The following RBPMS variants were observed in gnomAD, a reference collection of about 807,000 sequenced individuals.
RBPMS encodes RNA-binding protein with multiple splicing.
In RBPMS, 7 loss-of-function variants were observed where a neutral mutation model predicts 26.8. That is an observed-to-expected ratio of 0.26 (90% CI 0.15 to 0.49). RBPMS has a LOEUF of 0.49. Among genes scored for constraint, RBPMS ranks in the 20% least tolerant of loss-of-function variants. RBPMS has a pLI of 0.98. For missense variants in RBPMS, 186 were observed against 250.0 expected (o/e 0.74, Z 1.73); for synonymous variants, 96 against 93.3 (o/e 1.03, Z -0.17).
chr8:30,447,435 T>A (rs1017458708), intron 1 of RBPMS, among the ~76,000 whole-genome samples: 1 of 152,194 alleles, frequency 6.6e-6, no homozygotes, highest in Non-Finnish European at 1.5e-5. Flanking sequence ...AATAGTGCAA[T>A]GTTTTGTGAA....
intron 1 of RBPMS, among the ~76,000 whole-genome samples, chr8:30,391,837 A>G (rs1327828769): frequency 6.6e-6 from 1 of 152,174 alleles, no homozygotes. Context: ...GATAGCAGGA[A>G]AAAGGAAATA....
At chr8:30,533,551 G>T (rs184383266) in intron 5 of RBPMS, among the ~76,000 whole-genome samples, 7 of 152,140 alleles carry the variant, frequency 4.6e-5, no homozygotes, top group Non-Finnish European at 8.8e-5. Flanking sequence ...ACAGTAATTG[G>T]CAGTAAAAGA....
intron 1 of RBPMS, among the ~76,000 whole-genome samples, chr8:30,386,016 A>G (rs1807029736): frequency 6.6e-6 from 1 of 152,196 alleles, no homozygotes. Context: ...TTTTGCAGGT[A>G]CGTTATCTGG....
intron 5 of RBPMS, among the ~76,000 whole-genome samples, chr8:30,529,907 C>A (rs1464535514): frequency 6.6e-6 from 1 of 152,018 alleles, no homozygotes; most frequent in Non-Finnish European, 1.5e-5. Context: ...GCATGTGTCA[C>A]CACGCCTGGC....
At chr8:30,420,581 G>A (rs1470776471) in intron 1 of RBPMS, among the ~76,000 whole-genome samples, 3 of 152,266 alleles carry the variant, frequency 2.0e-5, no homozygotes, top group Non-Finnish European at 2.9e-5. Context: ...TTTTTCATGC[G>A]GGTCAGTTGA....
intron 1 of RBPMS, among the ~76,000 whole-genome samples, chr8:30,441,067 C>G (rs895282614): frequency 3.3e-5 from 5 of 152,174 alleles, no homozygotes; most frequent in African/African-American, 9.6e-5. Context: ...ATCTTCCCGC[C>G]TCAGCCTTTC....
intron 5 of RBPMS, among the ~76,000 whole-genome samples, chr8:30,527,050 CAA>C: frequency 6.6e-6 from 1 of 152,326 alleles, no homozygotes; most frequent in East Asian, 1.9e-4. Flanking sequence ...TACATACTTA[CAA>C]AACTTTCCCA....
At chr8:30,509,382 C>A (rs6468374) in intron 5 of RBPMS, among the ~76,000 whole-genome samples, 3 of 151,812 alleles carry the variant, frequency 2.0e-5, no homozygotes, top group Non-Finnish European at 4.4e-5. Flanking sequence ...TGCCATGTCC[C>A]TGGAAGTTCC....
At chr8:30,431,967 A>T (rs935344945) in intron 1 of RBPMS, among the ~76,000 whole-genome samples, 45 of 148,142 alleles carry the variant, frequency 3.0e-4, no homozygotes, top group Admixed American at 2.8e-3. Context: ...CAAAAACATT[A>T]AAAAAAAAAT....
At chr8:30,410,743 G>GT (rs1333437267) in intron 1 of RBPMS, among the ~76,000 whole-genome samples, 355 of 85,348 alleles carry the variant, frequency 4.2e-3, no homozygotes, top group African/African-American at 0.013. Context: ...TGTTTGTTTT[G>GT]TTTTTTTTTA....
chr8:30,478,331 C>CT (rs551582647), intron 3 of RBPMS, among the ~76,000 whole-genome samples: 84 of 148,390 alleles, frequency 5.7e-4, no homozygotes, highest in African/African-American at 1.6e-3. Flanking sequence ...TAGCTATATA[C>CT]TTTTTTTTTT....
intron 1 of RBPMS, among the ~76,000 whole-genome samples, chr8:30,445,784 C>G (rs1052424434): frequency 6.6e-6 from 1 of 151,674 alleles, no homozygotes; most frequent in Non-Finnish European, 1.5e-5. Flanking sequence ...CCTATATCAC[C>G]TTAGCCTCCT....
intron 5 of RBPMS, among the ~76,000 whole-genome samples, chr8:30,526,927 C>T (rs1251393014): frequency 6.6e-6 from 1 of 152,106 alleles, no homozygotes; most frequent in Non-Finnish European, 1.5e-5. Flanking sequence ...ATTTTCTCAT[C>T]TAAAAAAATT....
intron 5 of RBPMS, among the ~76,000 whole-genome samples, chr8:30,541,267 T>C (rs565998326): frequency 6.6e-6 from 1 of 152,346 alleles, no homozygotes; most frequent in Non-Finnish European, 1.5e-5. Flanking sequence ...TCCCAAGCTC[T>C]GTAGGCTTAA....
intron 1 of RBPMS, among the ~76,000 whole-genome samples, chr8:30,412,239 A>G (rs1585377152): frequency 6.6e-6 from 1 of 152,236 alleles, no homozygotes; most frequent in South Asian, 2.1e-4. Flanking sequence ...GTGAGAATTA[A>G]TGAGTTAATA....
intron 1 of RBPMS, among the ~76,000 whole-genome samples, chr8:30,442,181 C>A (rs1256660066): frequency 6.6e-6 from 1 of 152,166 alleles, no homozygotes; most frequent in Admixed American, 6.6e-5. Context: ...AATGTCTGAC[C>A]TAAGAGCGCG....
At chr8:30,544,311 T>C (rs537790593) in intron 5 of RBPMS, among the ~76,000 whole-genome samples, 183 bp from the exon 6 acceptor site, 1 of 152,358 alleles carries the variant, frequency 6.6e-6, no homozygotes, top group South Asian at 2.1e-4. Context: ...TCTTGTGTTA[T>C]ATTTTTCGTT....
At chr8:30,530,605 G>A (rs1172300598) in intron 5 of RBPMS, among the ~76,000 whole-genome samples, 1 of 152,128 alleles carries the variant, frequency 6.6e-6, no homozygotes, top group Admixed American at 6.6e-5. Flanking sequence ...TGGGATTACA[G>A]GCACGTGCCA....
intron 4 of RBPMS, among the ~76,000 whole-genome samples, chr8:30,479,834 G>A (rs144675873): frequency 6.0e-5 from 9 of 151,230 alleles, no homozygotes; most frequent in African/African-American, 2.2e-4. Context: ...ACTGGTTATA[G>A]CCTTTATTCT....
Sources: gnomAD v4.1 joint callset for allele counts (sites outside exome capture counted in the v4.1 genomes callset) on GRCh38, gnomAD v4.1.1 for gene constraint, MANE v1.5 for transcripts, NCBI Gene and HGNC (gene_info 2026-07-23, HGNC 2026-07-21) for gene names.